The following APIP variants were observed in gnomAD, a reference collection of about 807,000 sequenced individuals.
APIP encodes the protein APAF1 interacting protein.
In APIP, 32 loss-of-function variants were observed where a neutral mutation model predicts 32.0. The ratio of observed to expected loss-of-function variants is 1.00; its 90% CI spans 0.76 to 1.34. The LOEUF (loss-of-function observed/expected upper bound fraction) is 1.34, where lower values mean the gene tolerates loss of function less well. APIP is among the 40% of genes most tolerant of loss of function. APIP has a pLI of 0.00. For missense variants in APIP, 247 were observed against 298.6 expected (o/e 0.83, Z 1.27); for synonymous variants, 92 against 94.8 (o/e 0.97, Z 0.17).
At chr11:34,882,965 C>T in intron 6 of APIP, 149 bp from the exon 7 acceptor site, 1 of 569,698 alleles carries the variant, frequency 1.8e-6, no homozygotes, top group Non-Finnish European at 3.0e-6. Context: ...CTATTTTTCC[C>T]TCAACATTTT....
At chr11:34,904,792 A>G (rs1853419302) in intron 1 of APIP, among the ~76,000 whole-genome samples, 1 of 152,236 alleles carries the variant, frequency 6.6e-6, no homozygotes, top group Non-Finnish European at 1.5e-5. Context: ...TCCTGGATAC[A>G]TTATATTGGA....
chr11:34,906,291 G>GA (rs1853453691), intron 1 of APIP, among the ~76,000 whole-genome samples: 1 of 152,112 alleles, frequency 6.6e-6, no homozygotes, highest in Admixed American at 6.5e-5. Flanking sequence ...GCATCATCTG[G>GA]AGTCATCCCT....
chr11:34,883,524 A>G lies in APIP; in HGVS notation c.462-20T>C, dbSNP rs1565131329. ...TCATATCTGTAAGACAAAACAAGCC[A>G]TTTTTTTCCATTAAAACAAATCAAG... On this transcript the variant is annotated intron_variant, in intron 5 of 6. Transcript: ENST00000395787. 7 of 1,607,048 alleles carry G rather than the reference A, an allele frequency of 4.4e-6. No individual in the cohort carries two copies. The highest frequency in any genetic ancestry group is 1.7e-4 in the Middle Eastern group (1 of 6,032).
At chr11:34,907,759 C>A (rs1853481936) in intron 1 of APIP, among the ~76,000 whole-genome samples, 1 of 152,094 alleles carries the variant, frequency 6.6e-6, no homozygotes, top group Admixed American at 6.5e-5. Flanking sequence ...TGATTACAAT[C>A]AACTATTTAT....
intron 5 of APIP, among the ~76,000 whole-genome samples, chr11:34,885,537 C>T (rs778947595): frequency 1.3e-5 from 2 of 152,048 alleles, no homozygotes; most frequent in Non-Finnish European, 2.9e-5. Flanking sequence ...CACAGCCCTC[C>T]GTATTTATTG....
intron 1 of APIP, among the ~76,000 whole-genome samples, chr11:34,903,643 G>A (rs115927152): frequency 0.017 from 2,552 of 152,312 alleles, 66 homozygotes; most frequent in African/African-American, 0.057. Flanking sequence ...TGAGGTAGCC[G>A]AAGGATACAG....
At chr11:34,912,298 A>C (rs1853566357) in intron 1 of APIP, among the ~76,000 whole-genome samples, 1 of 152,208 alleles carries the variant, frequency 6.6e-6, no homozygotes, top group African/African-American at 2.4e-5. Flanking sequence ...AAAGATATAT[A>C]ATATCTTTTA....
rs560334210 is a variant in APIP at position 34,888,965 on chromosome 11, A to G, written c.208-96T>C. ...GTGTACATATACATAAGAATACAAGAAAGTTTATCTATAGTATACATACTT... is the reference window on the plus strand; with the variant it reads ...GTGTACATATACATAAGAATACAAGGAAGTTTATCTATAGTATACATACTT... On this transcript the variant is annotated intron_variant, in intron 3 of 6. Coordinates refer to ENST00000395787, the MANE Select transcript of APIP (RefSeq NM_015957.4). The G allele has an allele frequency of 7.5e-5, 48 of 643,692 alleles. No homozygotes were observed. In the African/African-American group the frequency reaches 8.3e-4, roughly 11 times the overall value. 39.9% of individuals were successfully genotyped at this position (643,692 alleles called of 1,614,324 possible).
At position 34,916,309 on chromosome 11, in the gene APIP, C is replaced by T. The variant is rs992171757; in HGVS notation, c.-25G>A. ...TGGCCCAGACCAGGGACCCGCGCGG[C>T]CTCCAATCTCCGCACGGCTTTGCGC... On this transcript the variant is annotated 5_prime_UTR_variant, in exon 1 of 7. Coordinates refer to ENST00000395787, the MANE Select transcript of APIP (RefSeq NM_015957.4). The T allele has an allele frequency of 4.3e-6, 7 of 1,610,050 alleles. No individual in the cohort carries two copies. The Admixed American group carries it at 8.4e-5, about 19-fold the overall frequency.
chr11:34,913,251 G>A (rs1853586362), intron 1 of APIP, among the ~76,000 whole-genome samples: 1 of 152,158 alleles, frequency 6.6e-6, no homozygotes, highest in Admixed American at 6.5e-5. Flanking sequence ...TCTAAGATTT[G>A]CTTAACAGGC....
chr11:34,916,213 T>G lies in APIP; in HGVS notation c.57+15A>C, dbSNP rs1410574793. On this transcript the variant is annotated intron_variant, in intron 1 of 6. Coordinates refer to ENST00000395787, the MANE Select transcript of APIP (RefSeq NM_015957.4). ...TCCTCCTGGGAATACCGGGCACCGGTGGCCCCGCCCCTACCTGCGCGCCGC... is the reference window on the plus strand; with the variant it reads ...TCCTCCTGGGAATACCGGGCACCGGGGGCCCCGCCCCTACCTGCGCGCCGC... 1.2e-6 allele frequency: 2 copies of G among 1,607,116 alleles called. No homozygotes were observed. The highest frequency in any genetic ancestry group is 1.7e-5 in the Admixed American group (1 of 59,666).
chr11:34,893,635 C>T (rs1306112711), intron 2 of APIP, among the ~76,000 whole-genome samples: 1 of 152,176 alleles, frequency 6.6e-6, no homozygotes, highest in Non-Finnish European at 1.5e-5. Flanking sequence ...TATTGATCTA[C>T]CATATGGAAC....
At chr11:34,906,301 T>C (rs1210674915) in intron 1 of APIP, among the ~76,000 whole-genome samples, 2 of 152,158 alleles carry the variant, frequency 1.3e-5, no homozygotes, top group Non-Finnish European at 2.9e-5. Context: ...GAGTCATCCC[T>C]AATTGAGGCT....
At chr11:34,896,315 A>C (rs1269841335) in intron 1 of APIP, among the ~76,000 whole-genome samples, 1 of 152,234 alleles carries the variant, frequency 6.6e-6, no homozygotes, top group African/African-American at 2.4e-5. Context: ...AAGACTTGGA[A>C]CCAACCCAAA....
At chr11:34,889,072 T>G (rs1049721134) in intron 3 of APIP, among the ~76,000 whole-genome samples, 1 of 152,042 alleles carries the variant, frequency 6.6e-6, no homozygotes, top group Non-Finnish European at 1.5e-5. Flanking sequence ...TAATTATAGT[T>G]TCTCAAAATA....
At chr11:34,897,032 G>A (rs1486814442) in intron 1 of APIP, among the ~76,000 whole-genome samples, 1 of 152,156 alleles carries the variant, frequency 6.6e-6, no homozygotes, top group Non-Finnish European at 1.5e-5. Context: ...CGGTCACTGG[G>A]TAAAGGGGGA....
intron 1 of APIP, chr11:34,915,966 T>C (rs1853671320): frequency 1.7e-6 from 1 of 571,538 alleles, no homozygotes; most frequent in Non-Finnish European, 3.1e-6. Flanking sequence ...CTCTCCTCTC[T>C]CAGTTATTTG....
At chr11:34,884,854 T>C (rs183163263) in intron 5 of APIP, among the ~76,000 whole-genome samples, 116 of 152,204 alleles carry the variant, frequency 7.6e-4, no homozygotes, top group Non-Finnish European at 1.3e-3. Context: ...AGAAATATTT[T>C]CAGGAGCAAA....
intron 2 of APIP, among the ~76,000 whole-genome samples, chr11:34,893,347 T>C (rs1455717240): frequency 6.6e-6 from 1 of 152,200 alleles, no homozygotes; most frequent in Non-Finnish European, 1.5e-5. Context: ...CTTTATTTTA[T>C]ACATACACAA....
Sources: allele counts gnomAD v4.1 joint callset (sites outside exome capture counted in the v4.1 genomes callset), GRCh38; gene constraint gnomAD v4.1.1; transcripts MANE v1.5; gene names NCBI Gene and HGNC (gene_info 2026-07-23, HGNC 2026-07-21).